TMEM74: variants seen among roughly 807,000 people sequenced by gnomAD.
The protein encoded by TMEM74 is transmembrane protein 74.
TMEM74 carries 13 observed loss-of-function variants against 18.1 expected under a neutral mutation model. The ratio of observed to expected loss-of-function variants is 0.72; its 90% confidence interval spans 0.47 to 1.14. The LOEUF (loss-of-function observed/expected upper bound fraction) is 1.14. Among genes scored for constraint, TMEM74 ranks in the 50% most tolerant of loss-of-function variants. TMEM74 has a pLI of 0.00. For synonymous variants in TMEM74, 159 were observed against 146.6 expected (o/e 1.08, Z -0.61); for missense variants, 372 against 375.9 (o/e 0.99, Z 0.09).
At chr8:108,688,532 A>G (rs1333119021) in intron 1 of TMEM74, among the ~76,000 whole-genome samples, 1 of 152,218 alleles carries the variant, frequency 6.6e-6, no homozygotes, top group Non-Finnish European at 1.5e-5. Context: ...AAAGGTCAAG[A>G]ACTCAAAATA....
chr8:108,708,229 G>A (rs940212461), intron 1 of TMEM74, among the ~76,000 whole-genome samples: 2 of 149,876 alleles, frequency 1.3e-5, no homozygotes, highest in African/African-American at 2.5e-5. Flanking sequence ...TGGCTGAATA[G>A]TATTCCATGG....
At chr8:108,773,399 G>T (rs1023858586) in intron 1 of TMEM74, among the ~76,000 whole-genome samples, 17 of 151,908 alleles carry the variant, frequency 1.1e-4, no homozygotes, top group Non-Finnish European at 2.5e-4. Flanking sequence ...TAAGTAAAGA[G>T]GTACTATATT....
intron 1 of TMEM74, among the ~76,000 whole-genome samples, chr8:108,754,663 C>G (rs112896065): frequency 2.1e-4 from 13 of 63,296 alleles, no homozygotes; most frequent in Non-Finnish European, 2.7e-4. Flanking sequence ...AGGTAGGTAG[C>G]TAGGTAGCTA....
Position 108,644,486 on chromosome 8 carries a change from CA to C in TMEM74, n.264+10806del, listed in dbSNP as rs1406737851. On this transcript the variant is annotated intron_variant and non_coding_transcript_variant, in intron 2 of 3. Transcript: ENST00000518838. The stretch of plus-strand genomic sequence containing the variant: ...ACCTCAAAAGCAATTGCACCGAAAC[CA>C]AAAATTGACACATGGGACCTAATTA... 1.5e-4 allele frequency among the ~76,000 whole-genome samples: 23 copies of C among 152,174 alleles called. No individual in the cohort carries two copies. In the South Asian group the frequency reaches 4.8e-3, roughly 32 times the overall value.
chr8:108,764,078 A>G (rs1278927408), intron 1 of TMEM74, among the ~76,000 whole-genome samples: 1 of 152,164 alleles, frequency 6.6e-6, no homozygotes, highest in Non-Finnish European at 1.5e-5. Flanking sequence ...TGCCATTTCT[A>G]CACATAGAGG....
At chr8:108,682,388 T>C (rs1482107277) in intron 1 of TMEM74, among the ~76,000 whole-genome samples, 1 of 152,098 alleles carries the variant, frequency 6.6e-6, no homozygotes, top group Non-Finnish European at 1.5e-5. Context: ...TCTAAATTAT[T>C]TTCTTTCATA....
intron 1 of TMEM74, among the ~76,000 whole-genome samples, chr8:108,744,050 G>C (rs116706189): frequency 1.2e-3 from 185 of 152,200 alleles, no homozygotes; most frequent in African/African-American, 4.1e-3. Context: ...GTGCACCTGC[G>C]CCCTGGGAGG....
chr8:108,608,546 G>A (rs1812302529), intron 3 of TMEM74, among the ~76,000 whole-genome samples: 1 of 152,174 alleles, frequency 6.6e-6, no homozygotes, highest in Non-Finnish European at 1.5e-5. Flanking sequence ...TTGGAGTAGA[G>A]TTTCTATGCA....
intron 2 of TMEM74, among the ~76,000 whole-genome samples, chr8:108,637,363 G>T (rs893207531): frequency 3.9e-5 from 6 of 152,024 alleles, no homozygotes; most frequent in African/African-American, 1.4e-4. Context: ...ACTCAAAAAT[G>T]CCCACTTCCT....
chr8:108,767,348 C>A (rs1262966205), intron 1 of TMEM74, among the ~76,000 whole-genome samples: 1 of 152,122 alleles, frequency 6.6e-6, no homozygotes. Context: ...ATTTCTGGCC[C>A]CATTCCTTTA....
downstream of TMEM74, among the ~76,000 whole-genome samples, chr8:108,778,910 C>T (rs190169690): frequency 1.6e-4 from 24 of 152,004 alleles, no homozygotes; most frequent in Non-Finnish European, 2.8e-4. Context: ...TATAAAACAA[C>T]AAAAAATAAG....
chr8:108,706,418 C>T (rs955090801), intron 1 of TMEM74, among the ~76,000 whole-genome samples: 5 of 151,802 alleles, frequency 3.3e-5, no homozygotes, highest in Admixed American at 1.3e-4. Flanking sequence ...ATCTATAATA[C>T]CTGGAATGCT....
rs1814286789 is a variant in TMEM74 at position 108,780,207 on chromosome 8, T to C, written c.*3974A>G. On this transcript the variant is annotated 3_prime_UTR_variant, in exon 2 of 2. Coordinates refer to ENST00000297459, the MANE Select transcript of TMEM74 (RefSeq NM_153015.3). ...GAATCTTTTTTGTCAGACCACGTTTTTTTGATGGCATTAATTGCTGCAATG... is the reference window on the plus strand; with the variant it reads ...GAATCTTTTTTGTCAGACCACGTTTCTTTGATGGCATTAATTGCTGCAATG... Among the ~76,000 whole-genome samples, 1 of 152,204 alleles carries C rather than the reference T, an allele frequency of 6.6e-6. No individual in the cohort carries two copies. The highest frequency in any genetic ancestry group is 1.5e-5 in the Non-Finnish European group (1 of 68,038).
chr8:108,627,685 T>A (rs1812508120), intron 2 of TMEM74, among the ~76,000 whole-genome samples: 1 of 151,836 alleles, frequency 6.6e-6, no homozygotes, highest in Non-Finnish European at 1.5e-5. Flanking sequence ...TAAGAAAAAA[T>A]ATCCTAAATG....
intron 1 of TMEM74, among the ~76,000 whole-genome samples, chr8:108,656,533 C>G (rs1312323401): frequency 6.6e-6 from 1 of 152,170 alleles, no homozygotes. Flanking sequence ...AGAAAACTAT[C>G]ATTTCACAAA....
intron 2 of TMEM74, among the ~76,000 whole-genome samples, chr8:108,630,036 T>C (rs1410798854): frequency 6.6e-6 from 1 of 152,044 alleles, no homozygotes; most frequent in Non-Finnish European, 1.5e-5. Flanking sequence ...ATACACAGAC[T>C]GGCAAATTGG....
At chr8:108,620,588 G>A (rs1050599575) in intron 2 of TMEM74, among the ~76,000 whole-genome samples, 1 of 152,102 alleles carries the variant, frequency 6.6e-6, no homozygotes. Context: ...TATCCTTTGT[G>A]GTGAAGCTGG....
chr8:108,720,193 A>G (rs1485408198), intron 1 of TMEM74, among the ~76,000 whole-genome samples: 2 of 152,084 alleles, frequency 1.3e-5, no homozygotes, highest in Non-Finnish European at 2.9e-5. Flanking sequence ...TTTGTAAAAA[A>G]AAAAAGTATT....
chr8:108,747,307 TAA>T lies in TMEM74; in HGVS notation n.119+40167_119+40168del, dbSNP rs1261143473. The stretch of plus-strand genomic sequence containing the variant: ...TTGTGTGAGCATATAGTGAAACAAA[TAA>T]GAGTTTTCTATACAATGTTCCTTTC... On this transcript the variant is annotated intron_variant and non_coding_transcript_variant, in intron 1 of 3. Transcript: ENST00000518838. 3.3e-5 allele frequency among the ~76,000 whole-genome samples: 5 copies of T among 152,080 alleles called. No homozygotes were observed. In the East Asian group the frequency reaches 9.7e-4, roughly 30 times the overall value.
Sources: allele counts gnomAD v4.1 joint callset (sites outside exome capture counted in the v4.1 genomes callset), GRCh38; gene constraint gnomAD v4.1.1; transcripts MANE v1.5; gene names NCBI Gene and HGNC (gene_info 2026-07-23, HGNC 2026-07-21).